Variants in MAML2 observed in about 807,000 individuals in gnomAD.
The protein encoded by MAML2 is mastermind-like protein 2.
In MAML2, 22 loss-of-function variants were observed where a neutral mutation model predicts 96.1. That is an observed-to-expected ratio of 0.23 (90% CI 0.16 to 0.33). MAML2 has a LOEUF of 0.33. MAML2 is among the 10% of genes least tolerant of loss of function. The pLI is 1.00. For missense variants in MAML2, 1,367 were observed against 1,392.4 expected, an observed-to-expected ratio of 0.98 and a Z score of 0.29; for synonymous variants, 561 against 521.3, an observed-to-expected ratio of 1.08 and a Z score of -1.04.
At chr11:96,072,545 G>C (rs1025281757) in intron 2 of MAML2, among the ~76,000 whole-genome samples, 30 of 152,184 alleles carry the variant, frequency 2.0e-4, no homozygotes, top group Admixed American at 1.0e-3. Context: ...ACCTAAATTT[G>C]AGTATTTACA....
At chr11:96,093,625 A>T (rs1406596851) in intron 1 of MAML2, 108 bp from the exon 2 acceptor site, 1 of 869,484 alleles carries the variant, frequency 1.2e-6, no homozygotes, top group Non-Finnish European at 1.7e-6. Flanking sequence ...TACACACAAG[A>T]TTCAGTTTTT....
chr11:96,257,372 A>T (rs572106645), intron 1 of MAML2, among the ~76,000 whole-genome samples: 113 of 152,252 alleles, frequency 7.4e-4, no homozygotes, highest in African/African-American at 2.5e-3. Context: ...GAATCTTGTG[A>T]CTCCAATTTT....
intron 1 of MAML2, among the ~76,000 whole-genome samples, chr11:96,138,091 T>A (rs778780118): frequency 6.6e-6 from 1 of 152,190 alleles, no homozygotes; most frequent in Non-Finnish European, 1.5e-5. Context: ...CTTCACATAT[T>A]TAGGCTAATA....
chr11:96,078,773 C>T (rs1050388456), intron 2 of MAML2, among the ~76,000 whole-genome samples: 3 of 152,244 alleles, frequency 2.0e-5, no homozygotes, highest in Non-Finnish European at 4.4e-5. Flanking sequence ...GGTGCTTGCA[C>T]ATGAGACCTG....
chr11:96,165,867 G>A (rs779044761), intron 1 of MAML2, among the ~76,000 whole-genome samples: 7 of 151,984 alleles, frequency 4.6e-5, no homozygotes, highest in Admixed American at 2.0e-4. Context: ...GACATCAATT[G>A]AGGTTGAACA....
At chr11:96,010,375 T>C (rs868558183) in intron 2 of MAML2, among the ~76,000 whole-genome samples, 1 of 152,150 alleles carries the variant, frequency 6.6e-6, no homozygotes, top group Non-Finnish European at 1.5e-5. Flanking sequence ...CAGGGGCAGA[T>C]TGGCCATTCC....
chr11:96,176,414 G>C (rs1263634844), intron 1 of MAML2, among the ~76,000 whole-genome samples: 1 of 152,148 alleles, frequency 6.6e-6, no homozygotes, highest in East Asian at 1.9e-4. Flanking sequence ...AAATGATTCT[G>C]AGAAAATAAT....
intron 1 of MAML2, among the ~76,000 whole-genome samples, chr11:96,276,885 C>T (rs2135983266): frequency 6.9e-6 from 1 of 145,982 alleles, no homozygotes; most frequent in South Asian, 2.2e-4. Context: ...CTAAAGGAAA[C>T]CTAAATCTGG....
chr11:96,153,509 A>G (rs181245925), intron 1 of MAML2, among the ~76,000 whole-genome samples: 1 of 152,230 alleles, frequency 6.6e-6, no homozygotes, highest in Non-Finnish European at 1.5e-5. Flanking sequence ...GGATTACATT[A>G]AAATATTATT....
intron 2 of MAML2, among the ~76,000 whole-genome samples, chr11:96,058,146 T>C (rs1212270599): frequency 1.3e-5 from 2 of 152,236 alleles, no homozygotes; most frequent in Non-Finnish European, 2.9e-5. Context: ...TATTTTCTTC[T>C]GACTACTTCC....
chr11:96,024,845 C>T (rs1858491747), intron 2 of MAML2, among the ~76,000 whole-genome samples: 1 of 152,236 alleles, frequency 6.6e-6, no homozygotes, highest in Non-Finnish European at 1.5e-5. Flanking sequence ...CAGCCCTCCA[C>T]ATGCAGCTCT....
chr11:96,159,607 G>A (rs1861072440), intron 1 of MAML2, among the ~76,000 whole-genome samples: 1 of 151,790 alleles, frequency 6.6e-6, no homozygotes, highest in African/African-American at 2.4e-5. Flanking sequence ...TGTATTTTTA[G>A]TAGAGACGGC....
At chr11:96,230,998 T>C (rs1862285773) in intron 1 of MAML2, among the ~76,000 whole-genome samples, 1 of 152,240 alleles carries the variant, frequency 6.6e-6, no homozygotes, top group Non-Finnish European at 1.5e-5. Flanking sequence ...ATATGTCTTG[T>C]GACATTTTCA....
intron 2 of MAML2, among the ~76,000 whole-genome samples, chr11:96,068,723 A>G (rs911183926): frequency 1.3e-5 from 2 of 151,626 alleles, no homozygotes; most frequent in Non-Finnish European, 2.9e-5. Context: ...CCAGCTACTC[A>G]GGAGGCTGAG....
intron 1 of MAML2, among the ~76,000 whole-genome samples, chr11:96,120,775 T>A (rs1468338509): frequency 3.3e-5 from 5 of 152,198 alleles, no homozygotes; most frequent in Non-Finnish European, 2.9e-5. Flanking sequence ...AAGAATTGTA[T>A]TTTTAAAAGA....
rs566245666 is a variant in MAML2, at chr11:96,298,969, C to G, written c.513+42414G>C. Among the ~76,000 whole-genome samples the G allele has an allele frequency of 8.7e-3, 1,244 of 143,140 alleles. 24 individuals carry two copies. Among genetic ancestry groups the G allele is most frequent in the African/African-American group, 0.03 (1,176 of 38,872 alleles). The allele number at this position is 143,140 out of a possible 152,430, so 93.9% of individuals were successfully genotyped here. On this transcript the variant is annotated intron_variant, in intron 1 of 4. Transcript: ENST00000524717. ...CTGAGGCAGGAGAATGGCGTGAACC[C>G]GGGAGGTGGAGCTTGCAGTGAGCTG...
chr11:96,175,440 C>A (rs1222809299), intron 1 of MAML2, among the ~76,000 whole-genome samples: 1 of 152,162 alleles, frequency 6.6e-6, no homozygotes, highest in East Asian at 1.9e-4. Context: ...GTACCACAGA[C>A]CTTGTCATAC....
intron 1 of MAML2, among the ~76,000 whole-genome samples, chr11:96,115,772 T>A (rs1048866229): frequency 2.6e-5 from 4 of 152,060 alleles, no homozygotes; most frequent in Non-Finnish European, 5.9e-5. Context: ...TATAGGATGG[T>A]CGGTGATAGT....
At chr11:96,238,891 G>T (rs1862397479) in intron 1 of MAML2, among the ~76,000 whole-genome samples, 1 of 152,234 alleles carries the variant, frequency 6.6e-6, no homozygotes, top group Non-Finnish European at 1.5e-5. Flanking sequence ...AGTGTCCAAA[G>T]GAGTAAGTAG....
Sources: allele counts gnomAD v4.1 joint callset (sites outside exome capture counted in the v4.1 genomes callset), GRCh38; gene constraint gnomAD v4.1.1; transcripts MANE v1.5; gene names NCBI Gene and HGNC (gene_info 2026-07-23, HGNC 2026-07-21).